Variants in EYS observed in about 807,000 individuals in gnomAD.
EYS encodes the protein EGF-like photoreceptor maintenance factor.
Under a neutral mutation model 282.1 loss-of-function variants are expected in EYS, and 250 were observed. The ratio of observed to expected loss-of-function variants is 0.89; its 90% CI spans 0.80 to 0.98. The LOEUF is 0.98. Ranked by LOEUF, EYS falls within the 50% of genes least tolerant of loss-of-function variation. EYS has a pLI of 0.00. For missense variants in EYS, 4,016 were observed against 3,709.0 expected (o/e 1.08, Z -2.15); for synonymous variants, 1,355 against 1,282.9 (o/e 1.06, Z -1.20).
At chr6:65,662,941 A>T (rs1167312775) in intron 1 of EYS, among the ~76,000 whole-genome samples, 1 of 152,178 alleles carries the variant, frequency 6.6e-6, no homozygotes, top group Non-Finnish European at 1.5e-5. Flanking sequence ...CATAAGAAAA[A>T]ATGAATCTAC....
chr6:65,075,174 T>C (rs560403004), intron 12 of EYS, among the ~76,000 whole-genome samples: 3 of 152,162 alleles, frequency 2.0e-5, no homozygotes, highest in African/African-American at 7.2e-5. Flanking sequence ...TTTGAAGCTC[T>C]TAGACTGTGT....
At chr6:65,679,874 C>A (rs1371784676) in intron 1 of EYS, among the ~76,000 whole-genome samples, 1 of 151,844 alleles carries the variant, frequency 6.6e-6, no homozygotes, top group East Asian at 1.9e-4. Context: ...CTACCAATTT[C>A]TCACAAAGTG....
rs745344580 is a variant in EYS at position 63,859,075 on chromosome 6, G to GTTT, written c.7228+5108_7228+5110dup. Among the ~76,000 whole-genome samples, 10 of 47,936 alleles carry GTTT rather than the reference G, an allele frequency of 2.1e-4. 4 individuals are homozygous for GTTT. The highest frequency in any genetic ancestry group is 3.4e-4 in the Non-Finnish European group (10 of 29,104). 31.4% of individuals were successfully genotyped at this position (47,936 alleles called of 152,430 possible). ...TTGATTTCCATTGATGTCCTAGAGA[G>GTTT]TTTTTTTTTTTTTTTTTTTTTTTTT... On this transcript the variant is annotated intron_variant, in intron 36 of 42. Coordinates refer to ENST00000503581, the MANE Select transcript of EYS (RefSeq NM_001142800.2).
At chr6:65,019,977 A>T (rs1290358174) in intron 13 of EYS, among the ~76,000 whole-genome samples, 1 of 152,156 alleles carries the variant, frequency 6.6e-6, no homozygotes, top group East Asian at 1.9e-4. Flanking sequence ...CTCAGTCACT[A>T]TCATGAGAAC....
intron 4 of EYS, among the ~76,000 whole-genome samples, chr6:65,494,229 GA>G (rs1766146829): frequency 6.6e-6 from 1 of 151,496 alleles, no homozygotes; most frequent in African/African-American, 2.4e-5. Context: ...CAAATCCAAG[GA>G]ATCTATTAAA....
At chr6:65,423,752 A>G (rs1046254298) in intron 5 of EYS, among the ~76,000 whole-genome samples, 1 of 151,896 alleles carries the variant, frequency 6.6e-6, no homozygotes, top group South Asian at 2.1e-4. Context: ...CAAACCTACT[A>G]TTATCTTCAG....
At chr6:65,664,413 T>G (rs1262278572) in intron 1 of EYS, among the ~76,000 whole-genome samples, 1 of 152,160 alleles carries the variant, frequency 6.6e-6, no homozygotes. Flanking sequence ...CATGGATAAC[T>G]TCAGACAATG....
chr6:65,200,660 T>C (rs1279198544), intron 12 of EYS, among the ~76,000 whole-genome samples: 3 of 150,770 alleles, frequency 2.0e-5, no homozygotes, highest in African/African-American at 7.4e-5. Context: ...CCCATATTTC[T>C]TCATTATTGA....
intron 26 of EYS, among the ~76,000 whole-genome samples, chr6:64,499,838 A>G (rs1776986077): frequency 6.6e-6 from 1 of 152,058 alleles, no homozygotes. Context: ...ATAATGTGCT[A>G]TTTCTTATAG....
At chr6:64,271,254 T>G (rs13216393) in intron 30 of EYS, among the ~76,000 whole-genome samples, 95,147 of 151,858 alleles carry the variant, frequency 0.63, 30,538 homozygotes, top group South Asian at 0.71. Context: ...CCATCTAGTA[T>G]TTAACAGGCT....
At chr6:64,213,270 A>G (rs1044771515) in intron 31 of EYS, among the ~76,000 whole-genome samples, 5 of 144,698 alleles carry the variant, frequency 3.5e-5, no homozygotes, top group Non-Finnish European at 6.1e-5. Context: ...TTAAAACCAT[A>G]GCAAATACAT....
intron 37 of EYS, among the ~76,000 whole-genome samples, chr6:63,795,272 T>C (rs182424377): frequency 1.4e-3 from 210 of 152,316 alleles, no homozygotes; most frequent in African/African-American, 4.6e-3. Context: ...TCTGGCCTCA[T>C]AATGCACCAA....
At chr6:63,808,761 C>G (rs1770967917) in intron 36 of EYS, among the ~76,000 whole-genome samples, 1 of 152,142 alleles carries the variant, frequency 6.6e-6, no homozygotes, top group Non-Finnish European at 1.5e-5. Context: ...ATTTCTTAGT[C>G]TAGTGGTACC....
intron 35 of EYS, among the ~76,000 whole-genome samples, chr6:63,975,531 G>A (rs989569934): frequency 2.0e-5 from 3 of 151,998 alleles, no homozygotes; most frequent in African/African-American, 7.2e-5. Context: ...AAACAGGCCT[G>A]TTTCTCCTTT....
intron 26 of EYS, among the ~76,000 whole-genome samples, chr6:64,509,657 AT>A (rs1332305985): frequency 6.6e-6 from 1 of 152,046 alleles, no homozygotes; most frequent in African/African-American, 2.4e-5. Flanking sequence ...GTGAAAGAGT[AT>A]TTTTCTATTA....
chr6:65,703,172 CCTCT>C (rs144092758), intron 1 of EYS, among the ~76,000 whole-genome samples: 2 of 151,534 alleles, frequency 1.3e-5, no homozygotes, highest in African/African-American at 4.8e-5. Context: ...CCTTAAAGTG[CCTCT>C]CTCTCTCTGT....
chr6:64,715,429 A>T (rs1392124813), intron 22 of EYS, among the ~76,000 whole-genome samples: 2 of 152,288 alleles, frequency 1.3e-5, no homozygotes, highest in East Asian at 1.9e-4. Flanking sequence ...TTCTGCCTTG[A>T]CTTTAATCTG....
intron 2 of EYS, among the ~76,000 whole-genome samples, chr6:65,508,518 T>TA (rs1562229869): frequency 6.6e-6 from 1 of 151,270 alleles, no homozygotes; most frequent in African/African-American, 2.4e-5. Flanking sequence ...CTAAAAAATA[T>TA]AAAAAATTAG....
chr6:65,181,300 T>C lies in EYS; in HGVS notation c.2023+114563A>G, dbSNP rs188546037. ...ACAGAGTGGGAGAAAATTTTTGCAA[T>C]CTACTCATCTGACAAAGGGCTAATA... On this transcript the variant is annotated intron_variant, in intron 12 of 42. Transcript: ENST00000503581. 1.1e-3 allele frequency among the ~76,000 whole-genome samples: 166 copies of C among 152,108 alleles called. 1 individual carries two copies. The East Asian group carries it at 0.028, about 26-fold the overall frequency.
Sources: gnomAD v4.1 joint callset for allele counts (sites outside exome capture counted in the v4.1 genomes callset) on GRCh38, gnomAD v4.1.1 for gene constraint, MANE v1.5 for transcripts, NCBI Gene and HGNC (gene_info 2026-07-23, HGNC 2026-07-21) for gene names.